The following FAT3 variants were observed in gnomAD, a reference collection of about 807,000 sequenced individuals.
FAT3 encodes FAT atypical cadherin 3, also known as protocadherin Fat 3.
FAT3 carries 95 observed loss-of-function variants against 310.2 expected under a neutral mutation model. The observed-to-expected ratio is 0.31, with a 90% CI of 0.26 to 0.36. The LOEUF (loss-of-function observed/expected upper bound fraction) is 0.36, where lower values mean the gene tolerates loss of function less well. Among genes scored for constraint, FAT3 ranks in the 10% least tolerant of loss-of-function variants. FAT3 has a pLI of 1.00. For synonymous variants in FAT3, 2,314 were observed against 2,192.9 expected (o/e 1.06, Z -1.54); for missense variants, 5,408 against 5,715.6 (o/e 0.95, Z 1.74).
In FAT3 at chr11:92,721,564, C is replaced by T. The variant is rs140480666; in HGVS notation, c.3669+24119C>T. On this transcript the variant is annotated intron_variant, in intron 4 of 27. Coordinates refer to ENST00000525166, the MANE Select transcript of FAT3 (RefSeq NM_001367949.2). ...CAAATTGCAATTGCAATATTAAAGG[C>T]GCAAACCTCAACTGCCTAAGGAATT... Among the ~76,000 whole-genome samples the T allele has an allele frequency of 1.1e-4, 17 of 152,240 alleles. No homozygotes were observed. In the East Asian group the frequency reaches 1.5e-3, roughly 14 times the overall value.
chr11:92,850,083 T>C (rs1365045855), intron 19 of FAT3, among the ~76,000 whole-genome samples: 1 of 152,222 alleles, frequency 6.6e-6, no homozygotes, highest in Non-Finnish European at 1.5e-5. Context: ...TGTTTTTATA[T>C]AGCAGAGAAG....
intron 1 of FAT3, among the ~76,000 whole-genome samples, chr11:92,302,265 G>A (rs1315209466): frequency 6.6e-6 from 1 of 151,870 alleles, no homozygotes. Context: ...CAAACCTCCC[G>A]GTGGTTTTAC....
chr11:92,867,371 G>A (rs1433437612), intron 22 of FAT3, among the ~76,000 whole-genome samples, 162 bp downstream of exon 22: 1 of 152,218 alleles, frequency 6.6e-6, no homozygotes, highest in Non-Finnish European at 1.5e-5. Context: ...GGAAGTCTCA[G>A]CTCTTGACAA....
chr11:92,272,127 G>T (rs368935151), intron 1 of FAT3, among the ~76,000 whole-genome samples: 1 of 152,084 alleles, frequency 6.6e-6, no homozygotes, highest in Non-Finnish European at 1.5e-5. Flanking sequence ...TATTGATGTT[G>T]TAAAGTTCTG....
intron 2 of FAT3, among the ~76,000 whole-genome samples, chr11:92,430,148 T>C (rs1377306383): frequency 2.0e-5 from 3 of 152,246 alleles, no homozygotes; most frequent in Non-Finnish European, 4.4e-5. Context: ...TCTGATATTC[T>C]TTCTTCACTT....
chr11:92,525,453 A>T (rs76552132), intron 3 of FAT3, among the ~76,000 whole-genome samples: 3,343 of 152,332 alleles, frequency 0.022, 117 homozygotes, highest in African/African-American at 0.076. Context: ...TACATAAAAT[A>T]TGTATAACTT....
At chr11:92,827,186 G>A (rs989253684) in intron 13 of FAT3, among the ~76,000 whole-genome samples, 2 of 152,154 alleles carry the variant, frequency 1.3e-5, no homozygotes, top group South Asian at 4.1e-4. Flanking sequence ...TGTGAATTCT[G>A]AGCATTTAAC....
rs541673432 is a variant in FAT3 at position 92,266,307 on chromosome 11, G to A, written c.-18+41133G>A. Among the ~76,000 whole-genome samples the A allele has an allele frequency of 9.2e-5, 14 of 152,152 alleles. No individual in the cohort carries two copies. The South Asian group carries it at 1.5e-3, about 16-fold the overall frequency. On this transcript the variant is annotated intron_variant, in intron 1 of 27. Transcript: ENST00000525166. ...TATGAAAAAGTGTCTAAATACCCTC[G>A]ACAATGTATTTTCTCTTTAGTATGG...
At chr11:92,528,129 G>A (rs936925756) in intron 3 of FAT3, among the ~76,000 whole-genome samples, 40 of 152,082 alleles carry the variant, frequency 2.6e-4, no homozygotes, top group African/African-American at 8.5e-4. Context: ...TTTCTTTATC[G>A]AACATCTGTT....
At chr11:92,473,222 T>C (rs1279461765) in intron 2 of FAT3, among the ~76,000 whole-genome samples, 2 of 152,148 alleles carry the variant, frequency 1.3e-5, no homozygotes, top group Non-Finnish European at 2.9e-5. Flanking sequence ...TTCATGTTTG[T>C]ATACTTAATT....
intron 2 of FAT3, among the ~76,000 whole-genome samples, chr11:92,409,961 T>C (rs542068708): frequency 6.6e-6 from 1 of 152,304 alleles, no homozygotes; most frequent in East Asian, 1.9e-4. Flanking sequence ...TTGGGTTTTT[T>C]TGACTCATTT....
Position 92,324,542 on chromosome 11 carries a change from G to C in FAT3, c.-17-27554G>C, listed in dbSNP as rs1465798103. Among the ~76,000 whole-genome samples, 7 of 152,120 alleles carry C rather than the reference G, an allele frequency of 4.6e-5. No homozygotes were observed. In the East Asian group the frequency reaches 1.3e-3, roughly 29 times the overall value. On this transcript the variant is annotated intron_variant, in intron 1 of 27. Coordinates refer to ENST00000525166, the MANE Select transcript of FAT3 (RefSeq NM_001367949.2). ...CAATTAAGTTCACCTTCTTATATGG[G>C]TGTGGTTCGTGGGACCCCAAGACAA...
At chr11:92,655,988 G>A (rs889371137) in intron 3 of FAT3, among the ~76,000 whole-genome samples, 1 of 152,070 alleles carries the variant, frequency 6.6e-6, no homozygotes, top group Non-Finnish European at 1.5e-5. Context: ...ATCCCATTTT[G>A]TCCATTGCCA....
intron 1 of FAT3, among the ~76,000 whole-genome samples, chr11:92,310,367 A>G (rs934355230): frequency 1.3e-5 from 2 of 152,206 alleles, no homozygotes; most frequent in African/African-American, 4.8e-5. Context: ...ATGTTGATAA[A>G]TATACATTAC....
intron 3 of FAT3, among the ~76,000 whole-genome samples, chr11:92,565,999 C>T (rs1051438690): frequency 2.0e-5 from 3 of 152,144 alleles, no homozygotes; most frequent in Admixed American, 6.6e-5. Context: ...CCCTCTCTCA[C>T]CACTCCTATT....
chr11:92,354,636 G>C lies in FAT3; in HGVS notation c.2524G>C (p.Glu842Gln). 6.2e-7 allele frequency: 1 copy of C among 1,613,782 alleles called. No homozygotes were observed. Among genetic ancestry groups the C allele is most frequent in the Non-Finnish European group, 8.5e-7 (1 of 1,179,872 alleles). ...IQDSYSVNIL[E>Q]SSGIGTEIIQ... ...AGACAGTTACTCAGTTAACATTCTTGAAAGTTCAGGCATTGGTACTGAAAT... is the reference window on the plus strand; with the variant it reads ...AGACAGTTACTCAGTTAACATTCTTCAAAGTTCAGGCATTGGTACTGAAAT... The change falls in exon 2 of 28, where the codon GAA becomes CAA. Residue 842 changes from glutamate (E) to glutamine (Q), a missense_variant. Coordinates refer to ENST00000525166, the MANE Select transcript of FAT3 (RefSeq NM_001367949.2).
intron 4 of FAT3, among the ~76,000 whole-genome samples, chr11:92,702,589 C>T (rs1944133116): frequency 6.6e-6 from 1 of 152,166 alleles, no homozygotes; most frequent in South Asian, 2.1e-4. Flanking sequence ...TTCCTCCTCC[C>T]CTTGTCCTCC....
At chr11:92,356,370 C>A (rs1262930943) in intron 2 of FAT3, among the ~76,000 whole-genome samples, 1 of 152,178 alleles carries the variant, frequency 6.6e-6, no homozygotes, top group Non-Finnish European at 1.5e-5. Flanking sequence ...ACATTAGATA[C>A]TTGTCCACAA....
chr11:92,659,487 T>C (rs1942698461), intron 3 of FAT3, among the ~76,000 whole-genome samples: 1 of 152,218 alleles, frequency 6.6e-6, no homozygotes, highest in African/African-American at 2.4e-5. Context: ...GGATTCTACT[T>C]CCACTTTTTC....
Sources: allele counts gnomAD v4.1 joint callset (sites outside exome capture counted in the v4.1 genomes callset), GRCh38; gene constraint gnomAD v4.1.1; transcripts MANE v1.5; gene names NCBI Gene and HGNC (gene_info 2026-07-23, HGNC 2026-07-21).